Variants in IRS1 observed in about 807,000 individuals in gnomAD.
IRS1 encodes the protein insulin receptor substrate 1.
Under a neutral mutation model 65.6 loss-of-function variants are expected in IRS1, and 34 were observed. That is an observed-to-expected ratio of 0.52 (90% confidence interval 0.39 to 0.69). IRS1 has a LOEUF of 0.69. Among genes scored for constraint, IRS1 ranks in the 30% least tolerant of loss-of-function variants. The pLI is 0.00. For synonymous variants in IRS1, 699 were observed against 683.5 expected, an observed-to-expected ratio of 1.02 and a Z score of -0.35; for missense variants, 1,641 against 1,720.2, an observed-to-expected ratio of 0.95 and a Z score of 0.81.
At chr2:226,765,628 C>A (rs1939017235) in intron 1 of IRS1, among the ~76,000 whole-genome samples, 1 of 152,186 alleles carries the variant, frequency 6.6e-6, no homozygotes, top group African/African-American at 2.4e-5. Flanking sequence ...CACCTGCCTA[C>A]TCAACAGCTG....
intron 1 of IRS1, among the ~76,000 whole-genome samples, chr2:226,766,161 A>ATTTTTTTT (rs1312915502): frequency 3.7e-4 from 2 of 5,460 alleles, no homozygotes; most frequent in Non-Finnish European, 8.1e-4. Flanking sequence ...ATATATATAT[A>ATTTTTTTT]TATTTTTTTT....
At position 226,786,786 on chromosome 2, in the gene IRS1, A is replaced by T. The variant is rs1370247422; in HGVS notation, c.*21+8203T>A. Among the ~76,000 whole-genome samples the T allele has an allele frequency of 1.9e-4, 19 of 98,542 alleles. No homozygotes were observed. The East Asian group carries it at 5.7e-3, about 30-fold the overall frequency. The allele number at this position is 98,542 out of a possible 152,430, so 64.6% of individuals were successfully genotyped here. A position where few individuals can be genotyped will look rare whatever the true frequency, so the allele number is the denominator to read the frequency against. Reference sequence around the variant, plus strand: ...AAGCTATTATAAAACTTGGTAGTCTAAAAAAAAAAAAAAAAACTTTTAAAA... The same window carrying T: ...AAGCTATTATAAAACTTGGTAGTCTTAAAAAAAAAAAAAAAACTTTTAAAA... On this transcript the variant is annotated intron_variant, in intron 1 of 1. Transcript: ENST00000305123.
Position 226,799,039 on chromosome 2 carries a change from C to A in IRS1, c.-301G>T. 7.3e-7 allele frequency: 1 copy of A among 1,364,772 alleles called. No homozygotes were observed. Among genetic ancestry groups the A allele is most frequent in the South Asian group, 1.7e-5 (1 of 60,300 alleles). 84.5% of individuals were successfully genotyped at this position (1,364,772 alleles called of 1,614,324 possible). On this transcript the variant is annotated 5_prime_UTR_variant, in exon 1 of 2. Coordinates refer to ENST00000305123, the MANE Select transcript of IRS1 (RefSeq NM_005544.3). The surrounding 1 kb of genome is among the most constrained non-coding windows in gnomAD (Gnocchi z 6.1). ...GAGAGCCAAGTCTCCTCTCAGCCGCCGCCGCCACCAGGAAGGAGCGAAGAT... is the reference window on the plus strand; with the variant it reads ...GAGAGCCAAGTCTCCTCTCAGCCGCAGCCGCCACCAGGAAGGAGCGAAGAT...
At position 226,797,712 on chromosome 2, in the gene IRS1, C is replaced by A; in HGVS notation, c.1027G>T (p.Asp343Tyr). ...GTGCTGGGACTCACAGGGCTGCCGTCCACCGAGGCTGGGCGGGACATGGTG... is the reference window on the plus strand; with the variant it reads ...GTGCTGGGACTCACAGGGCTGCCGTACACCGAGGCTGGGCGGGACATGGTG... ...EGTMSRPASV[D>Y]GSPVSPSTNR... The change falls in exon 1 of 2, where the codon GAC becomes TAC. Residue 343 changes from aspartate to tyrosine, a missense_variant. This residue lies in a region of IRS1 where 1,324 missense variants were observed against 1,361.0 expected (regional missense o/e 0.97). Coordinates refer to ENST00000305123, the MANE Select transcript of IRS1 (RefSeq NM_005544.3). The surrounding 1 kb of genome is among the most constrained non-coding windows in gnomAD (Gnocchi z 8.1). The A allele has an allele frequency of 6.3e-7, 1 of 1,597,938 alleles. No individual in the cohort carries two copies. Among genetic ancestry groups the A allele is most frequent in the Non-Finnish European group, 8.5e-7 (1 of 1,178,894 alleles).
At chr2:226,743,710 GT>G (rs1460289008) in intron 1 of IRS1, among the ~76,000 whole-genome samples, 2 of 152,138 alleles carry the variant, frequency 1.3e-5, no homozygotes, top group Non-Finnish European at 2.9e-5. Flanking sequence ...CAGTTCTGAG[GT>G]TTCTATTGTA....
At chr2:226,781,759 C>T (rs1939386115) in intron 1 of IRS1, among the ~76,000 whole-genome samples, 1 of 151,954 alleles carries the variant, frequency 6.6e-6, no homozygotes, top group Non-Finnish European at 1.5e-5. Flanking sequence ...TTGTGAGGGA[C>T]TAAAGGCTCA....
At chr2:226,786,468 T>G (rs1040664964) in intron 1 of IRS1, among the ~76,000 whole-genome samples, 13 of 152,106 alleles carry the variant, frequency 8.5e-5, no homozygotes, top group African/African-American at 3.1e-4. Context: ...GAGCATATTC[T>G]TCCATAGAAG....
At chr2:226,764,782 T>C (rs768447803) in intron 1 of IRS1, among the ~76,000 whole-genome samples, 2 of 152,226 alleles carry the variant, frequency 1.3e-5, no homozygotes, top group Non-Finnish European at 2.9e-5. Flanking sequence ...TCGTCAAGGT[T>C]TGATTGCTCA....
chr2:226,771,773 A>G (rs569875315), intron 1 of IRS1, among the ~76,000 whole-genome samples: 38 of 152,314 alleles, frequency 2.5e-4, no homozygotes, highest in African/African-American at 8.2e-4. Context: ...AGAATTCTAC[A>G]GAAGAAAACA....
intron 1 of IRS1, among the ~76,000 whole-genome samples, chr2:226,781,650 C>T (rs1312474631): frequency 2.0e-5 from 3 of 152,066 alleles, no homozygotes; most frequent in Non-Finnish European, 4.4e-5. Flanking sequence ...AAAGCACCAG[C>T]CATTCATTTT....
At chr2:226,764,596 G>A (rs1053375446) in intron 1 of IRS1, among the ~76,000 whole-genome samples, 3 of 152,134 alleles carry the variant, frequency 2.0e-5, no homozygotes, top group Non-Finnish European at 4.4e-5. Context: ...GTCATGAAAA[G>A]TATCTCAAAG....
At chr2:226,747,510 C>A (rs142990903) in intron 1 of IRS1, among the ~76,000 whole-genome samples, 1 of 152,130 alleles carries the variant, frequency 6.6e-6, no homozygotes, top group Non-Finnish European at 1.5e-5. Flanking sequence ...GTGCCTTGTT[C>A]TTGGACTTAC....
rs563164471 is a variant in IRS1 at position 226,768,793 on chromosome 2, C to T, written c.*21+26196G>A. 1.1e-4 allele frequency among the ~76,000 whole-genome samples: 16 copies of T among 152,254 alleles called. No individual in the cohort carries two copies. In the South Asian group the frequency reaches 1.5e-3, roughly 14 times the overall value. On this transcript the variant is annotated intron_variant, in intron 1 of 1. Transcript: ENST00000305123. ...CTGGGACTATAGGCGCCCCCCACCA[C>T]GCCCGGCTAATTTTTGTATTTTTAG...
chr2:226,799,658 C>G lies in IRS1; in HGVS notation c.-920G>C, dbSNP rs947317587. On this transcript the variant is annotated 5_prime_UTR_variant, in exon 1 of 2. Coordinates refer to ENST00000305123, the MANE Select transcript of IRS1 (RefSeq NM_005544.3). This position sits in a 1 kb window ranked among gnomAD's most constrained non-coding sequence, Gnocchi z 6.1. ...CTGCCGCTGCAGTTACTTCTCCCCT[C>G]CTCCCTCCTCCTCCTCCTCCTCGGA... 8.2e-5 allele frequency: 82 copies of G among 1,001,668 alleles called. No homozygotes were observed. Among genetic ancestry groups the G allele is most frequent in the Non-Finnish European group, 9.6e-6 (8 of 831,262 alleles). The allele number at this position is 1,001,668 out of a possible 1,614,324, so 62.0% of individuals were successfully genotyped here.
At chr2:226,785,369 G>A (rs1327947405) in intron 1 of IRS1, among the ~76,000 whole-genome samples, 1 of 152,200 alleles carries the variant, frequency 6.6e-6, no homozygotes, top group Non-Finnish European at 1.5e-5. Context: ...TTGGGAGGCT[G>A]AGGCGGGTGG....
chr2:226,754,389 A>G (rs1284628703), intron 1 of IRS1, among the ~76,000 whole-genome samples: 2 of 152,198 alleles, frequency 1.3e-5, no homozygotes, highest in Admixed American at 1.3e-4. Context: ...TCCAAAAACA[A>G]TATAGCCATC....
At position 226,796,616 on chromosome 2, in the gene IRS1, G is replaced by C; in HGVS notation, c.2123C>G (p.Ser708Cys). The C allele has an allele frequency of 1.2e-6, 2 of 1,614,010 alleles. No individual in the cohort carries two copies. The highest frequency in any genetic ancestry group is 2.2e-5 in the South Asian group (2 of 91,088). Reference sequence around the variant, plus strand: ...GGGTTTGGGGTGAGGCAAGACATGAGAGTGGTGGCCCCCTACCCCGTTTGT... The same window carrying C: ...GGGTTTGGGGTGAGGCAAGACATGACAGTGGTGGCCCCCTACCCCGTTTGT... ...LWTNGVGGHH[S>C]HVLPHPKPPV... is the part of the protein sequence containing the mutation. The change falls in exon 1 of 2, where the codon TCT (serine) becomes TGT (cysteine). Residue 708 changes from serine (S) to cysteine (C), a missense_variant. Transcript: ENST00000305123.
intron 1 of IRS1, among the ~76,000 whole-genome samples, chr2:226,755,566 G>T (rs1195281630): frequency 1.3e-5 from 2 of 152,270 alleles, no homozygotes; most frequent in Non-Finnish European, 2.9e-5. Context: ...AATACAACTG[G>T]TTTAACAAAT....
intron 1 of IRS1, among the ~76,000 whole-genome samples, chr2:226,756,335 C>T (rs1938800205): frequency 6.6e-6 from 1 of 152,036 alleles, no homozygotes; most frequent in East Asian, 1.9e-4. Context: ...GTGAAACATC[C>T]CTAGTCAGTG....
Sources: allele counts gnomAD v4.1 joint callset (sites outside exome capture counted in the v4.1 genomes callset), GRCh38; gene constraint gnomAD v4.1.1; regional missense constraint gnomAD v4.1.1; non-coding constraint Gnocchi (gnomAD v3.1); transcripts MANE v1.5; gene names NCBI Gene and HGNC (gene_info 2026-07-23, HGNC 2026-07-21).